BMS1: variants seen among roughly 807,000 people sequenced by gnomAD.
The protein encoded by BMS1 is ribosome biogenesis protein BMS1 homolog.
Under a neutral mutation model 138.7 loss-of-function variants are expected in BMS1, and 53 were observed. The observed-to-expected ratio is 0.38, with a 90% CI of 0.31 to 0.48. The LOEUF is 0.48. Ranked by LOEUF, BMS1 falls within the 20% of genes least tolerant of loss-of-function variation. The pLI, the probability that BMS1 is intolerant of heterozygous loss-of-function variation, is 0.97. For synonymous variants in BMS1, 504 were observed against 539.9 expected (o/e 0.93, Z 0.92); for missense variants, 1,360 against 1,565.5 (o/e 0.87, Z 2.22).
At chr10:42,789,980 T>C (rs1841450884) in intron 4 of BMS1, among the ~76,000 whole-genome samples, 1 of 152,210 alleles carries the variant, frequency 6.6e-6, no homozygotes, top group Admixed American at 6.5e-5. Flanking sequence ...CATTGTCTTA[T>C]GGGTTGGCTT....
chr10:42,802,248 A>T, intron 13 of BMS1, 30 bp downstream of exon 13: 1 of 1,591,094 alleles, frequency 6.3e-7, no homozygotes, highest in Non-Finnish European at 8.6e-7. Flanking sequence ...CTTCAGGAAG[A>T]CTGGCTTCTC....
At chr10:42,794,474 T>G (rs1841611054) in intron 9 of BMS1, among the ~76,000 whole-genome samples, 2 of 151,758 alleles carry the variant, frequency 1.3e-5, no homozygotes, top group Non-Finnish European at 2.9e-5. Flanking sequence ...TTATATGCAG[T>G]GGATGTTTGC....
chr10:42,826,199 T>C (rs1046339638), intron 21 of BMS1, among the ~76,000 whole-genome samples: 5 of 152,090 alleles, frequency 3.3e-5, no homozygotes, highest in African/African-American at 9.6e-5. Flanking sequence ...GCATCAGTGC[T>C]TAATTTATTG....
intron 13 of BMS1, among the ~76,000 whole-genome samples, chr10:42,815,666 G>C (rs184507451): frequency 6.6e-6 from 1 of 152,138 alleles, no homozygotes; most frequent in Admixed American, 6.5e-5. Flanking sequence ...GGCCCCCAAA[G>C]TGCTGGGTTT....
At chr10:42,817,903 A>G (rs1346899274) in intron 15 of BMS1, among the ~76,000 whole-genome samples, 1 of 152,194 alleles carries the variant, frequency 6.6e-6, no homozygotes. Flanking sequence ...TAGACACACC[A>G]GAGCTCCCAG....
At chr10:42,788,478 A>G (rs1841406352) in intron 4 of BMS1, among the ~76,000 whole-genome samples, 1 of 152,168 alleles carries the variant, frequency 6.6e-6, no homozygotes, top group African/African-American at 2.4e-5. Context: ...CACCTCAAAC[A>G]TTTATCATTT....
chr10:42,793,136 GT>G lies in BMS1; in HGVS notation c.1086del (p.Gln363ArgfsTer30). On this transcript the variant is annotated frameshift_variant, in exon 8 of 23. Coordinates refer to ENST00000374518, the MANE Select transcript of BMS1 (RefSeq NM_014753.4). LOFTEE classifies it high-confidence loss of function. ...AVYVDLGGSH[V>X]FQDEVGPTHE... is the part of the protein sequence containing the mutation. ...CTATGTTGACCTTGGTGGCAGCCACGTTTTTCAGGTATCGGTGAGACGGGAG... is the reference window on the plus strand; with the variant it reads ...CTATGTTGACCTTGGTGGCAGCCACGTTTTCAGGTATCGGTGAGACGGGAG... 6.2e-7 allele frequency: 1 copy of G among 1,604,996 alleles called. No homozygotes were observed. Among genetic ancestry groups the G allele is most frequent in the South Asian group, 1.1e-5 (1 of 89,272 alleles).
chr10:42,809,139 A>G (rs1171051812), intron 13 of BMS1, among the ~76,000 whole-genome samples: 1 of 152,254 alleles, frequency 6.6e-6, no homozygotes, highest in Non-Finnish European at 1.5e-5. Context: ...TGAACACAGT[A>G]TATTTATTTA....
chr10:42,823,144 G>A lies in BMS1; in HGVS notation c.3159G>A (p.Val1053=). ...GAATGTTTAATTCTGCCTTGGAAGT[G>A]GCCAAATTTGAAGGTGCTGTGATTC... ...IKGMFNSALE[V]AKFEGAVIRT... is the part of the protein sequence containing the mutation. The change falls in exon 20 of 23, where the codon GTG becomes GTA. Residue 1053 remains valine (V), a synonymous_variant. Coordinates refer to ENST00000374518, the MANE Select transcript of BMS1 (RefSeq NM_014753.4). The A allele has an allele frequency of 6.2e-7, 1 of 1,603,924 alleles. No homozygotes were observed. Among genetic ancestry groups the A allele is most frequent in the Non-Finnish European group, 8.5e-7 (1 of 1,176,860 alleles).
rs1197314689 is a variant in BMS1 at position 42,793,113 on chromosome 10, A to G, written c.1058A>G (p.Tyr353Cys). The G allele has an allele frequency of 9.3e-6, 15 of 1,611,390 alleles. 1 individual carries two copies. Among genetic ancestry groups the G allele is most frequent in the Middle Eastern group, 1.6e-4 (1 of 6,066 alleles). ...GTGCTGTATGACAAAGACGCTGTCTATGTTGACCTTGGTGGCAGCCACGTT... is the reference window on the plus strand; with the variant it reads ...GTGCTGTATGACAAAGACGCTGTCTGTGTTGACCTTGGTGGCAGCCACGTT... ...GGVLYDKDAV[Y>C]VDLGGSHVFQ... is the part of the protein sequence containing the mutation. The change falls in exon 8 of 23, where the codon TAT becomes TGT. Residue 353 changes from tyrosine (Y) to cysteine (C), a missense_variant. Tyr to Cys is a radical substitution (Grantham distance 194). Coordinates refer to ENST00000374518, the MANE Select transcript of BMS1 (RefSeq NM_014753.4).
intron 13 of BMS1, among the ~76,000 whole-genome samples, chr10:42,808,362 G>A (rs567495168): frequency 2.5e-4 from 38 of 151,430 alleles, no homozygotes; most frequent in African/African-American, 7.0e-4. Flanking sequence ...GCAGTGGCGC[G>A]ATCTCCACTC....
rs1842838206 is a variant in BMS1, at chr10:42,833,922, C to T, written c.*2826C>T. ...TGGAGTAGAGCCACTGAGCTTCGTGCTGCATAAAATTGCTTGGAAGAAAGA... is the reference window on the plus strand; with the variant it reads ...TGGAGTAGAGCCACTGAGCTTCGTGTTGCATAAAATTGCTTGGAAGAAAGA... On this transcript the variant is annotated 3_prime_UTR_variant, in exon 23 of 23. Coordinates refer to ENST00000374518, the MANE Select transcript of BMS1 (RefSeq NM_014753.4). The T allele has an allele frequency of 1.3e-5, 2 of 152,308 alleles. No individual in the cohort carries two copies. Among genetic ancestry groups the T allele is most frequent in the South Asian group, 4.1e-4 (2 of 4,826 alleles). 9.4% of individuals were successfully genotyped at this position (152,308 alleles called of 1,614,324 possible).
rs562782218 is a variant in BMS1, at chr10:42,817,364, A to C, written c.2450A>C (p.Glu817Ala). 144 of 1,609,106 alleles carry C rather than the reference A, an allele frequency of 8.9e-5. 1 individual carries two copies. The South Asian group carries it at 1.5e-3, about 16-fold the overall frequency. The part of the protein sequence containing the change: ...KEVKEEIDPD[E>A]EESAKKKHLD... The stretch of plus-strand genomic sequence containing the variant: ...GTTAAGGAAGAAATTGACCCCGACG[A>C]AGAAGAAAGTGCCAAGAAAAAGCAT... Residue 817 changes from glutamate to alanine, a missense_variant, in exon 15 of 23, where the codon GAA becomes GCA. This residue lies in a region of BMS1 where 697 missense variants were observed against 686.2 expected (regional missense o/e 1.02). Transcript: ENST00000374518.
chr10:42,819,676 C>T (rs1842446167), intron 15 of BMS1, among the ~76,000 whole-genome samples: 1 of 152,144 alleles, frequency 6.6e-6, no homozygotes, highest in Admixed American at 6.5e-5. Context: ...TTCCAGTGTT[C>T]GGGCATGCAG....
At chr10:42,800,356 C>T (rs1841832448) in intron 12 of BMS1, among the ~76,000 whole-genome samples, 1 of 152,102 alleles carries the variant, frequency 6.6e-6, no homozygotes, top group African/African-American at 2.4e-5. Flanking sequence ...TAGATGTTAT[C>T]AGTTGTTGGT....
chr10:42,801,710 A>T (rs116617311), intron 12 of BMS1, among the ~76,000 whole-genome samples: 1 of 152,248 alleles, frequency 6.6e-6, no homozygotes, highest in Non-Finnish European at 1.5e-5. Flanking sequence ...TATATTCTGG[A>T]TATAAGTCCC....
intron 12 of BMS1, 147 bp from the exon 13 acceptor site, chr10:42,801,989 TA>T: frequency 1.8e-6 from 1 of 556,958 alleles, no homozygotes. Context: ...CCATCAAAGG[TA>T]AAGTTATTTT....
chr10:42,810,426 G>A (rs1340690960), intron 13 of BMS1, among the ~76,000 whole-genome samples: 1 of 152,072 alleles, frequency 6.6e-6, no homozygotes, highest in Non-Finnish European at 1.5e-5. Flanking sequence ...GAGAGATACT[G>A]GTCTGTGAGT....
intron 21 of BMS1, among the ~76,000 whole-genome samples, chr10:42,827,810 T>G (rs938995201): frequency 1.3e-5 from 2 of 152,164 alleles, no homozygotes; most frequent in Admixed American, 6.5e-5. Context: ...TTTGGCTGTC[T>G]TTGTCAGGGG....
Sources: allele counts gnomAD v4.1 joint callset (sites outside exome capture counted in the v4.1 genomes callset), GRCh38; gene constraint gnomAD v4.1.1; regional missense constraint gnomAD v4.1.1; transcripts MANE v1.5; gene names NCBI Gene and HGNC (gene_info 2026-07-23, HGNC 2026-07-21).